NOTCH3: variants seen among roughly 807,000 people sequenced by gnomAD.
NOTCH3 encodes the protein neurogenic locus notch homolog protein 3.
NOTCH3 carries 86 observed loss-of-function variants against 213.3 expected under a neutral mutation model. That is an observed-to-expected ratio of 0.40 (90% CI 0.34 to 0.48). NOTCH3 has a LOEUF of 0.48. Ranked by LOEUF, NOTCH3 falls within the 20% of genes least tolerant of loss-of-function variation. The probability of loss-of-function intolerance (pLI) is 0.57; values close to 1 mark genes in which losing one functional copy is unlikely to be tolerated. For missense variants in NOTCH3, 2,783 were observed against 3,272.6 expected (o/e 0.85, Z 3.65); for synonymous variants, 1,354 against 1,355.9 (o/e 1.00, Z 0.03).
At chr19:15,196,141 G>A (rs1037454860) in intron 2 of NOTCH3, among the ~76,000 whole-genome samples, 3 of 152,138 alleles carry the variant, frequency 2.0e-5, no homozygotes, top group Admixed American at 6.5e-5. Context: ...AGCCCAACTC[G>A]GAGGACTGAG....
chr19:15,197,441 G>GCGCCGCCCCCCCCCC, intron 2 of NOTCH3, 59 bp downstream of exon 2: 4 of 768,358 alleles, frequency 5.2e-6, no homozygotes, highest in African/African-American at 1.7e-5. Context: ...AAGACAAATC[G>GCGCCGCCCCCCCCCC]CCCCTCCCCC....
At chr19:15,167,062 C>T (rs2046691942) in intron 29 of NOTCH3, among the ~76,000 whole-genome samples, 187 bp downstream of exon 29, 1 of 152,226 alleles carries the variant, frequency 6.6e-6, no homozygotes, top group Admixed American at 6.5e-5. Context: ...TGATAAATCC[C>T]TTGTTTTACT....
intron 1 of NOTCH3, among the ~76,000 whole-genome samples, 156 bp from the exon 2 acceptor site, chr19:15,197,734 GCCC>G (rs5827279): frequency 0.028 from 1,134 of 41,002 alleles, 22 homozygotes; most frequent in African/African-American, 0.06. Flanking sequence ...CAGTTCCCAC[GCCC>G]CCCCCCCCCC....
chr19:15,175,303 T>G (rs149247403), intron 24 of NOTCH3, among the ~76,000 whole-genome samples: 1 of 143,570 alleles, frequency 7.0e-6, no homozygotes, highest in Admixed American at 6.9e-5. Context: ...GAGGCCAAGG[T>G]GTACGGATAA....
chr19:15,187,024 C>G (rs772025256), intron 11 of NOTCH3, 36 bp from the exon 12 acceptor site: 1 of 1,607,840 alleles, frequency 6.2e-7, no homozygotes, highest in South Asian at 1.1e-5. Context: ...GTGGCCACCA[C>G]TGTGCCCCAC....
chr19:15,193,835 GCACTCTGGGAGACTGA>G (rs2046950224), intron 2 of NOTCH3, among the ~76,000 whole-genome samples: 1 of 146,954 alleles, frequency 6.8e-6, no homozygotes, highest in African/African-American at 2.5e-5. Context: ...TGTAATCCCA[GCACTCTGGGAGACTGA>G]GGTGGGCGGA....
At chr19:15,186,332 G>A (rs781679984) in intron 12 of NOTCH3, among the ~76,000 whole-genome samples, 25 of 151,668 alleles carry the variant, frequency 1.6e-4, no homozygotes, top group Non-Finnish European at 3.2e-4. Flanking sequence ...CACTGAGTTT[G>A]GACACTTTCA....
chr19:15,166,422 A>C (rs964542929), intron 29 of NOTCH3, among the ~76,000 whole-genome samples: 32 of 152,196 alleles, frequency 2.1e-4, no homozygotes, highest in African/African-American at 7.7e-4. Context: ...ATCCAACTCA[A>C]GGCAAAGAAA....
Position 15,185,462 on chromosome 19 carries a change from G to C in NOTCH3, c.2144+25C>G, listed in dbSNP as rs1301137126. The C allele has an allele frequency of 6.2e-7, 1 of 1,612,712 alleles. No homozygotes were observed. The highest frequency in any genetic ancestry group is 1.1e-5 in the South Asian group (1 of 91,028). On this transcript the variant is annotated intron_variant, in intron 13 of 32. Coordinates refer to ENST00000263388, the MANE Select transcript of NOTCH3 (RefSeq NM_000435.3). The surrounding 1 kb of genome is among the most constrained non-coding windows in gnomAD (Gnocchi z 4.2). The stretch of plus-strand genomic sequence containing the variant: ...AGGTGGGCCAGGGAGAGGGGGCAGT[G>C]TCTGAGGCTGAGAAGGGCCCTCACC...
chr19:15,189,493 T>G, intron 6 of NOTCH3, 65 bp from the exon 7 acceptor site: 1 of 1,564,138 alleles, frequency 6.4e-7, no homozygotes, highest in South Asian at 1.1e-5. Flanking sequence ...CCCACACCCC[T>G]TGAGTATTGT....
In NOTCH3 at chr19:15,191,823, C is replaced by G. The variant is rs1568361633; in HGVS notation, c.724G>C (p.Gly242Arg). 2.5e-6 allele frequency: 4 copies of G among 1,613,978 alleles called. No homozygotes were observed. Among genetic ancestry groups the G allele is most frequent in the Non-Finnish European group, 3.4e-6 (4 of 1,180,046 alleles). The stretch of plus-strand genomic sequence containing the variant: ...GTCCCCCCATTGAGACATCGGTGTC[C>G]TGGACAGTCGTCCACGTTCACTTCA... ...NCEVNVDDCP[G>R]HRCLNGGTCV... The change falls in exon 5 of 33, where the codon GGA (glycine) becomes CGA (arginine). Residue 242 changes from glycine to arginine, a missense_variant. Physicochemically the swap from Gly to Arg is moderately radical, Grantham distance 125. Transcript: ENST00000263388.
Position 15,165,751 on chromosome 19 carries a change from C to T in NOTCH3, c.5667+36G>A. ...AAACCCAGGTAAGTCTAATGCCTGC[C>T]CCAGCTCTGAGGTCCAAAGTGTGTG... On this transcript the variant is annotated intron_variant, in intron 30 of 32. Coordinates refer to ENST00000263388, the MANE Select transcript of NOTCH3 (RefSeq NM_000435.3). This position sits in a 1 kb window ranked among gnomAD's most constrained non-coding sequence, Gnocchi z 4.7. 1 of 1,603,572 alleles carries T rather than the reference C, an allele frequency of 6.2e-7. No homozygotes were observed. Among genetic ancestry groups the T allele is most frequent in the South Asian group, 1.1e-5 (1 of 90,942 alleles).
At chr19:15,194,721 C>T (rs1417277606) in intron 2 of NOTCH3, among the ~76,000 whole-genome samples, 1 of 151,906 alleles carries the variant, frequency 6.6e-6, no homozygotes, top group Non-Finnish European at 1.5e-5. Context: ...TTTGGGAGAC[C>T]GAGGCAGGTA....
At position 15,161,432 on chromosome 19, in the gene NOTCH3, G is replaced by T. The variant is rs541777668; in HGVS notation, c.6196C>A (p.Pro2066Thr). 2.0e-6 allele frequency: 3 copies of T among 1,538,452 alleles called. No homozygotes were observed. Among genetic ancestry groups the T allele is most frequent in the East Asian group, 2.4e-5 (1 of 41,090 alleles). ...GGCCCCAGCCCCGCCTTCCCGGGGG[G>T]CCTCCTGCTCTTCTTGGACCCCGAC... ...AQSGSKKSRRPPGKAGLGPQG... is the reference protein window; with the variant it reads ...AQSGSKKSRRTPGKAGLGPQG... Residue 2066 changes from proline to threonine, a missense_variant, in exon 33 of 33, where the codon CCC (proline) becomes ACC (threonine). Physicochemically the swap from Pro to Thr is conservative, Grantham distance 38. Coordinates refer to ENST00000263388, the MANE Select transcript of NOTCH3 (RefSeq NM_000435.3).
At chr19:15,178,973 A>G (rs780834727) in intron 22 of NOTCH3, 32 bp from the exon 23 acceptor site, 11 of 1,613,996 alleles carry the variant, frequency 6.8e-6, no homozygotes, top group Non-Finnish European at 8.5e-6. Flanking sequence ...GATCAGCCAC[A>G]ATGGGGGAAT....
At position 15,189,575 on chromosome 19, in the gene NOTCH3, A is replaced by G. The variant is rs139688228; in HGVS notation, c.1037-147T>C. On this transcript the variant is annotated intron_variant, in intron 6 of 32. Transcript: ENST00000263388. ...CTCTTGTTGCCCAAGCTGGAGTACA[A>G]TAGCGCGATCTTGGCTCACTGTAAC... is the stretch of plus-strand genomic sequence containing the variant. 3.5e-4 allele frequency: 337 copies of G among 954,906 alleles called. 2 individuals carry two copies. The African/African-American group carries it at 4.8e-3, about 14-fold the overall frequency. 59.2% of individuals were successfully genotyped at this position (954,906 alleles called of 1,614,324 possible).
At chr19:15,172,979 TTCC>T (rs1220167247) in intron 25 of NOTCH3, among the ~76,000 whole-genome samples, 6 of 135,520 alleles carry the variant, frequency 4.4e-5, no homozygotes, top group African/African-American at 6.0e-5. Flanking sequence ...CTTCTTCCTC[TTCC>T]TCCTCCTCCT....
At chr19:15,198,783 C>T (rs769401860) in intron 1 of NOTCH3, among the ~76,000 whole-genome samples, 3 of 151,174 alleles carry the variant, frequency 2.0e-5, no homozygotes, top group Non-Finnish European at 4.4e-5. Flanking sequence ...TGGTGGCGCA[C>T]GCCTGTAGTC....
chr19:15,177,719 G>A lies in NOTCH3; in HGVS notation c.4209C>T (p.Arg1403=), dbSNP rs2046803641. The A allele has an allele frequency of 6.5e-7, 1 of 1,531,206 alleles. No homozygotes were observed. The highest frequency in any genetic ancestry group is 2.0e-5 in the Admixed American group (1 of 50,936). The allele number at this position is 1,531,206 out of a possible 1,614,324, so 94.9% of individuals were successfully genotyped here. The change falls in exon 24 of 33, where the codon CGC becomes CGT. Residue 1403 remains arginine (R), a synonymous_variant. Coordinates refer to ENST00000263388, the MANE Select transcript of NOTCH3 (RefSeq NM_000435.3). ...QAKRGDQRCD[R]ECNSPGCGWD... ...AGCCGCAGCCTGGGCTGTTGCACTCGCGGTCGCAGCGCTGGTCCCCGCGCT... is the reference window on the plus strand; with the variant it reads ...AGCCGCAGCCTGGGCTGTTGCACTCACGGTCGCAGCGCTGGTCCCCGCGCT...
Sources: gnomAD v4.1 joint callset for allele counts (sites outside exome capture counted in the v4.1 genomes callset) on GRCh38, gnomAD v4.1.1 for gene constraint, Gnocchi (gnomAD v3.1) non-coding constraint, MANE v1.5 for transcripts, NCBI Gene and HGNC (gene_info 2026-07-23, HGNC 2026-07-21) for gene names.